SCAPER: variants seen among roughly 807,000 people sequenced by gnomAD.
The protein encoded by SCAPER is S-phase cyclin A associated protein in the ER.
Under a neutral mutation model 182.2 loss-of-function variants are expected in SCAPER, and 98 were observed. The observed-to-expected ratio is 0.54, with a 90% CI of 0.46 to 0.64. SCAPER has a LOEUF of 0.64. SCAPER is among the 30% of genes least tolerant of loss of function. The pLI is 0.00. For synonymous variants in SCAPER, 605 were observed against 564.6 expected, an observed-to-expected ratio of 1.07 and a Z score of -1.01; for missense variants, 1,432 against 1,690.0, an observed-to-expected ratio of 0.85 and a Z score of 2.68.
intron 22 of SCAPER, among the ~76,000 whole-genome samples, chr15:76,608,461 G>T (rs960349127): frequency 6.6e-6 from 1 of 152,220 alleles, no homozygotes; most frequent in African/African-American, 2.4e-5. Context: ...CTACTCGGGG[G>T]TCAGGGACCC....
At chr15:76,745,706 T>C (rs1409395413) in intron 15 of SCAPER, among the ~76,000 whole-genome samples, 1 of 152,202 alleles carries the variant, frequency 6.6e-6, no homozygotes, top group African/African-American at 2.4e-5. Flanking sequence ...TTAATTTGCT[T>C]ATAAAAGTCA....
rs140059843 is a variant in SCAPER at position 76,600,687 on chromosome 15, C to T, written c.2711+21077G>A. ...CTGGTCTTGAACTCCTGACCTCAGA[C>T]GATCTGCCCACCTCGGCCTCCCAAA... On this transcript the variant is annotated intron_variant, in intron 22 of 31. Coordinates refer to ENST00000563290, the MANE Select transcript of SCAPER (RefSeq NM_020843.4). Among the ~76,000 whole-genome samples, 4 of 119,386 alleles carry T rather than the reference C, an allele frequency of 3.4e-5. 1 individual carries two copies. Among genetic ancestry groups the T allele is most frequent in the South Asian group, 5.2e-4 (2 of 3,850 alleles). The allele number at this position is 119,386 out of a possible 152,430, so 78.3% of individuals were successfully genotyped here.
rs550563144 is a variant in SCAPER, at chr15:76,577,709, C to A, written c.2712-3425G>T. Among the ~76,000 whole-genome samples the A allele has an allele frequency of 2.3e-4, 35 of 152,232 alleles. 1 individual carries two copies. The South Asian group carries it at 6.0e-3, about 26-fold the overall frequency. ...CGAGTTAGCAGTGGTAGCCAGGAAG[C>A]ACTCGCCAAGGGCCTTGAGTGAGAC... On this transcript the variant is annotated intron_variant, in intron 22 of 31. Coordinates refer to ENST00000563290, the MANE Select transcript of SCAPER (RefSeq NM_020843.4).
chr15:76,384,298 T>G (rs141105618), intron 27 of SCAPER, among the ~76,000 whole-genome samples: 101 of 152,326 alleles, frequency 6.6e-4, no homozygotes, highest in African/African-American at 2.2e-3. Flanking sequence ...TTTACTCTTG[T>G]GTTGCTTTTA....
At chr15:76,746,877 A>C (rs2061821142) in intron 15 of SCAPER, among the ~76,000 whole-genome samples, 1 of 152,252 alleles carries the variant, frequency 6.6e-6, no homozygotes. Flanking sequence ...ACAAATAAAC[A>C]GAAGGAAATT....
At chr15:76,405,196 T>G (rs561941407) in intron 26 of SCAPER, among the ~76,000 whole-genome samples, 8 of 146,928 alleles carry the variant, frequency 5.4e-5, no homozygotes, top group African/African-American at 2.0e-4. Context: ...TCACTACAAC[T>G]CTAACCTACT....
chr15:76,407,975 T>C (rs2044984960), intron 26 of SCAPER, among the ~76,000 whole-genome samples: 1 of 151,798 alleles, frequency 6.6e-6, no homozygotes. Context: ...AAAAATCACT[T>C]AAAAAAAACA....
intron 20 of SCAPER, among the ~76,000 whole-genome samples, chr15:76,691,873 T>A (rs1413677970): frequency 6.6e-6 from 1 of 152,214 alleles, no homozygotes; most frequent in African/African-American, 2.4e-5. Context: ...CCAGCTTATC[T>A]ATATTACTGT....
At chr15:76,711,120 T>C (rs2059538440) in intron 17 of SCAPER, among the ~76,000 whole-genome samples, 3 of 152,176 alleles carry the variant, frequency 2.0e-5, no homozygotes, top group Admixed American at 2.0e-4. Flanking sequence ...AGAAGAAACT[T>C]TTTGTGGTTT....
chr15:76,652,273 A>AAAAAAAAATAT (rs1207156993), intron 21 of SCAPER, among the ~76,000 whole-genome samples: 1 of 12,868 alleles, frequency 7.8e-5, no homozygotes, highest in Admixed American at 1.5e-3. Flanking sequence ...AAAAAAAAAA[A>AAAAAAAAATAT]ATATATATAT....
At chr15:76,673,282 C>T (rs150896236) in intron 20 of SCAPER, among the ~76,000 whole-genome samples, 72 of 152,054 alleles carry the variant, frequency 4.7e-4, no homozygotes, top group African/African-American at 1.6e-3. Context: ...ACACTGCATA[C>T]ATACTTACAG....
intron 17 of SCAPER, among the ~76,000 whole-genome samples, chr15:76,714,873 A>AGTT (rs748817599): frequency 3.1e-4 from 47 of 152,292 alleles, no homozygotes; most frequent in Middle Eastern, 3.4e-3. Flanking sequence ...GCCTGATTTA[A>AGTT]CATTAGAAAA....
chr15:76,409,545 G>A (rs1410050880), intron 26 of SCAPER, among the ~76,000 whole-genome samples: 1 of 151,414 alleles, frequency 6.6e-6, no homozygotes, highest in Admixed American at 6.6e-5. Context: ...TTGGGTGACG[G>A]ATTCACTACA....
chr15:76,537,588 A>C (rs1168523974), intron 23 of SCAPER, among the ~76,000 whole-genome samples: 1 of 152,138 alleles, frequency 6.6e-6, no homozygotes, highest in Admixed American at 6.6e-5. Context: ...TAAAGACTTA[A>C]AGGTTAGACC....
chr15:76,842,075 C>T (rs903133828), intron 4 of SCAPER, 144 bp from the exon 5 acceptor site: 20 of 664,320 alleles, frequency 3.0e-5, no homozygotes, highest in Admixed American at 6.0e-5. Context: ...GACTTTTTTC[C>T]TATCATTATT....
chr15:76,365,468 T>C (rs2141782173), intron 29 of SCAPER, among the ~76,000 whole-genome samples: 1 of 152,340 alleles, frequency 6.6e-6, no homozygotes, highest in East Asian at 1.9e-4. Flanking sequence ...ACAAGAAAAT[T>C]GGGCTAGATT....
Position 76,652,301 on chromosome 15 carries a change from T to C in SCAPER, c.2645+13352A>G, listed in dbSNP as rs1190565211. On this transcript the variant is annotated intron_variant, in intron 21 of 31. Coordinates refer to ENST00000563290, the MANE Select transcript of SCAPER (RefSeq NM_020843.4). ...ATATATATATATATATATATATATATATATATATACACACACACACACACA... is the reference window on the plus strand; with the variant it reads ...ATATATATATATATATATATATATACATATATATACACACACACACACACA... 2.8e-3 allele frequency among the ~76,000 whole-genome samples: 75 copies of C among 26,818 alleles called. 6 individuals carry two copies. Among genetic ancestry groups the C allele is most frequent in the African/African-American group, 0.011 (54 of 4,954 alleles). 17.6% of individuals were successfully genotyped at this position (26,818 alleles called of 152,430 possible).
intron 29 of SCAPER, among the ~76,000 whole-genome samples, chr15:76,362,607 T>A (rs1418589295): frequency 6.6e-6 from 1 of 151,924 alleles, no homozygotes; most frequent in African/African-American, 2.4e-5. Context: ...GAGATGGGGT[T>A]TCACCATGTT....
Position 76,407,495 on chromosome 15 carries a change from AC to A in SCAPER, c.3312-2817del, listed in dbSNP as rs1464994522. On this transcript the variant is annotated intron_variant, in intron 26 of 31. Coordinates refer to ENST00000563290, the MANE Select transcript of SCAPER (RefSeq NM_020843.4). The stretch of plus-strand genomic sequence containing the variant: ...GCCATTTTACTATTCTGTTTTACTT[AC>A]GTTGTTTCAAGCTAAGGTTCTAAAA... Among the ~76,000 whole-genome samples, 3 of 152,326 alleles carry A rather than the reference AC, an allele frequency of 2.0e-5. No homozygotes were observed. In the East Asian group the frequency reaches 5.8e-4, roughly 29 times the overall value.
Sources: gnomAD v4.1 joint callset for allele counts (sites outside exome capture counted in the v4.1 genomes callset) on GRCh38, gnomAD v4.1.1 for gene constraint, MANE v1.5 for transcripts, NCBI Gene and HGNC (gene_info 2026-07-23, HGNC 2026-07-21) for gene names.